The following LEKR1 variants were observed in gnomAD, a reference collection of about 807,000 sequenced individuals.
LEKR1 encodes leucine, glutamate and lysine rich 1.
A neutral mutation model predicts 72.4 loss-of-function variants in LEKR1; 59 were observed. That is an observed-to-expected ratio of 0.82 (90% CI 0.66 to 1.01). The LOEUF is 1.01. Among genes scored for constraint, LEKR1 ranks in the 50% least tolerant of loss-of-function variants. The pLI, the probability that LEKR1 is intolerant of heterozygous loss-of-function variation, is 0.00. For missense variants in LEKR1, 728 were observed against 759.2 expected (o/e 0.96, Z 0.48); for synonymous variants, 257 against 263.2 (o/e 0.98, Z 0.23).
At chr3:156,838,270 A>G (rs1713420749) in intron 2 of LEKR1, among the ~76,000 whole-genome samples, 1 of 152,212 alleles carries the variant, frequency 6.6e-6, no homozygotes, top group Admixed American at 6.5e-5. Flanking sequence ...CCAACCAGAC[A>G]AACTAGTACA....
intron 3 of LEKR1, among the ~76,000 whole-genome samples, chr3:156,883,079 C>G (rs1175735723): frequency 6.6e-6 from 1 of 151,900 alleles, no homozygotes; most frequent in Non-Finnish European, 1.5e-5. Context: ...GTGCAGCACA[C>G]CAGCATGGCA....
At chr3:156,949,171 C>G (rs1458247696) in intron 6 of LEKR1, among the ~76,000 whole-genome samples, 1 of 151,532 alleles carries the variant, frequency 6.6e-6, no homozygotes, top group Non-Finnish European at 1.5e-5. Context: ...TTAATTAGAT[C>G]CTATTTGTCA....
intron 4 of LEKR1, chr3:156,924,452 A>C: frequency 1.6e-6 from 1 of 623,200 alleles, no homozygotes; most frequent in Non-Finnish European, 2.9e-6. Flanking sequence ...TTGAAAAGCA[A>C]AGTTTGTTAT....
chr3:156,966,943 G>C (rs535040993), intron 6 of LEKR1, among the ~76,000 whole-genome samples: 4 of 152,176 alleles, frequency 2.6e-5, no homozygotes, highest in African/African-American at 7.2e-5. Context: ...CCAGAGGAAC[G>C]ATCAGGCAGC....
At chr3:156,911,700 C>T (rs1159096578) in intron 3 of LEKR1, among the ~76,000 whole-genome samples, 1 of 151,816 alleles carries the variant, frequency 6.6e-6, no homozygotes, top group Non-Finnish European at 1.5e-5. Flanking sequence ...GGTAGGGGTC[C>T]AGTTTCTTTC....
intron 5 of LEKR1, among the ~76,000 whole-genome samples, chr3:156,942,274 C>T (rs1157488645): frequency 1.3e-5 from 2 of 151,770 alleles, no homozygotes; most frequent in Admixed American, 6.6e-5. Flanking sequence ...GCTGTATTAC[C>T]ACTTAATACA....
At position 156,942,649 on chromosome 3, in the gene LEKR1, G is replaced by A. The variant is rs371289058; in HGVS notation, c.680G>A (p.Arg227Gln). The change falls in exon 6 of 13, where the codon CGG (arginine) becomes CAG (glutamine). Residue 227 changes from arginine to glutamine, a missense_variant. Transcript: ENST00000356539. Reference protein sequence around the residue: ...DAAILRSQQIRTSRQQEVNLQ... With the variant: ...DAAILRSQQIQTSRQQEVNLQ... ...GCCATATTGAGATCTCAGCAGATTC[G>A]GACATCTAGACAACAGGAAGTAAAC... 450 of 1,269,572 alleles carry A rather than the reference G, an allele frequency of 3.5e-4. 4 individuals are homozygous for A. In the African/African-American group the frequency reaches 6.5e-3, roughly 18 times the overall value. The allele number at this position is 1,269,572 out of a possible 1,614,324, so 78.6% of individuals were successfully genotyped here.
intron 12 of LEKR1, among the ~76,000 whole-genome samples, chr3:157,031,854 G>C (rs1268100212): frequency 6.6e-6 from 1 of 152,144 alleles, no homozygotes; most frequent in Non-Finnish European, 1.5e-5. Flanking sequence ...AGGATAAGAG[G>C]AAAGCCAAAG....
intron 4 of LEKR1, among the ~76,000 whole-genome samples, chr3:156,923,197 A>AATTATTTAT (rs1355350407): frequency 2.6e-5 from 4 of 152,144 alleles, no homozygotes; most frequent in African/African-American, 9.7e-5. Flanking sequence ...TCTTAAGGAG[A>AATTATTTAT]CAATTTAATT....
chr3:156,958,366 T>C (rs562046265), intron 6 of LEKR1, among the ~76,000 whole-genome samples: 1 of 152,300 alleles, frequency 6.6e-6, no homozygotes, highest in Admixed American at 6.5e-5. Context: ...AGAAAGACTA[T>C]AGAACTACAA....
chr3:156,851,612 A>G (rs1014388780), intron 2 of LEKR1, among the ~76,000 whole-genome samples: 5 of 152,112 alleles, frequency 3.3e-5, no homozygotes, highest in African/African-American at 1.2e-4. Context: ...ATACTGTATT[A>G]TGGTTTTTAA....
At chr3:157,034,049 A>AG (rs967838708) in intron 12 of LEKR1, among the ~76,000 whole-genome samples, 1 of 70,076 alleles carries the variant, frequency 1.4e-5, no homozygotes, top group East Asian at 1.3e-3. Context: ...CCTACTGTTC[A>AG]GAAAAAAAAA....
chr3:156,988,875 A>G (rs1036127054), intron 7 of LEKR1, among the ~76,000 whole-genome samples: 9 of 151,852 alleles, frequency 5.9e-5, no homozygotes, highest in Admixed American at 5.9e-4. Flanking sequence ...ACTGTCGCCC[A>G]GGCTGGAGTG....
Position 157,010,525 on chromosome 3 carries a change from C to T in LEKR1, c.1110-888C>T, listed in dbSNP as rs147845664. 2.5e-3 allele frequency among the ~76,000 whole-genome samples: 384 copies of T among 151,986 alleles called. 5 individuals are homozygous for T. The highest frequency in any genetic ancestry group is 8.7e-3 in the African/African-American group (362 of 41,488). ...AACATGCAATTATAAATCAAAGTCA[C>T]AGGTTTTTGCAGAAGGGTCAGAGCT... On this transcript the variant is annotated intron_variant, in intron 9 of 12. Coordinates refer to ENST00000356539, the MANE Select transcript of LEKR1 (RefSeq NM_001004316.3).
intron 3 of LEKR1, among the ~76,000 whole-genome samples, chr3:156,873,430 T>C (rs972350854): frequency 6.6e-6 from 1 of 152,104 alleles, no homozygotes; most frequent in African/African-American, 2.4e-5. Flanking sequence ...TTATTATTGA[T>C]ATGCAAAGGC....
chr3:156,882,421 T>C (rs1339981149), intron 3 of LEKR1, among the ~76,000 whole-genome samples: 5 of 152,156 alleles, frequency 3.3e-5, no homozygotes, highest in Non-Finnish European at 4.4e-5. Context: ...TCACTGGCCA[T>C]CAGAGAAATG....
intron 6 of LEKR1, among the ~76,000 whole-genome samples, chr3:156,973,133 A>C (rs988747497): frequency 6.6e-6 from 1 of 152,100 alleles, no homozygotes; most frequent in Admixed American, 6.6e-5. Context: ...AATTCTAAAC[A>C]TATTTGCAGG....
rs1726316597 is a variant in LEKR1 at position 156,942,642 on chromosome 3, C to A, written c.673C>A (p.Gln225Lys). ...LSDAAILRSQ[Q>K]IRTSRQQEVN... ...AGATGCAGCCATATTGAGATCTCAG[C>A]AGATTCGGACATCTAGACAACAGGA... Residue 225 changes from glutamine (Q) to lysine (K), a missense_variant, in exon 6 of 13, where the codon CAG (glutamine) becomes AAG (lysine). Coordinates refer to ENST00000356539, the MANE Select transcript of LEKR1 (RefSeq NM_001004316.3). 1.6e-6 allele frequency: 2 copies of A among 1,269,148 alleles called. No individual in the cohort carries two copies. Among genetic ancestry groups the A allele is most frequent in the African/African-American group, 1.6e-5 (1 of 63,970 alleles). 78.6% of individuals were successfully genotyped at this position (1,269,148 alleles called of 1,614,324 possible).
rs375110253 is a variant in LEKR1, at chr3:157,045,365, G to A, written c.1694G>A (p.Arg565His). Reference sequence around the variant, plus strand: ...AATACTTTTCTTCAGGAGACAGTGCGTAGAGAATGTGAAGAACGCTTTGAA... The same window carrying A: ...AATACTTTTCTTCAGGAGACAGTGCATAGAGAATGTGAAGAACGCTTTGAA... ...EENTFLQETV[R>H]RECEERFELT... is the part of the protein sequence containing the mutation. Residue 565 changes from arginine to histidine, a missense_variant, in exon 13 of 13, where the codon CGT (arginine) becomes CAT (histidine). Transcript: ENST00000356539. 122 of 1,613,608 alleles carry A rather than the reference G, an allele frequency of 7.6e-5. No homozygotes were observed. Among genetic ancestry groups the A allele is most frequent in the Non-Finnish European group, 8.6e-5 (102 of 1,179,758 alleles).
Sources: allele counts gnomAD v4.1 joint callset (sites outside exome capture counted in the v4.1 genomes callset), GRCh38; gene constraint gnomAD v4.1.1; transcripts MANE v1.5; gene names NCBI Gene and HGNC (gene_info 2026-07-23, HGNC 2026-07-21).